CHSY1: variants seen among roughly 807,000 people sequenced by gnomAD.
The protein encoded by CHSY1 is N-acetylgalactosaminyl-proteoglycan 3-beta-glucuronosyltransferase 1.
A neutral mutation model predicts 59.8 loss-of-function variants in CHSY1; 13 were observed. That is an observed-to-expected ratio of 0.22 (90% CI 0.14 to 0.35). The LOEUF is 0.35. CHSY1 is among the 10% of genes least tolerant of loss of function. The pLI is 1.00. For synonymous variants in CHSY1, 459 were observed against 401.2 expected, an observed-to-expected ratio of 1.14 and a Z score of -1.72; for missense variants, 947 against 1,030.6, an observed-to-expected ratio of 0.92 and a Z score of 1.11.
At chr15:101,203,261 C>A (rs1426535563) in intron 2 of CHSY1, among the ~76,000 whole-genome samples, 1 of 152,200 alleles carries the variant, frequency 6.6e-6, no homozygotes, top group African/African-American at 2.4e-5. Flanking sequence ...TCCTGACAGG[C>A]ATGGACCTTC....
In CHSY1 at chr15:101,251,148, C is replaced by A; in HGVS notation, c.309G>T (p.Val103=). Residue 103 remains valine (V), a synonymous_variant, in exon 1 of 3, where the codon GTG becomes GTT. Coordinates refer to ENST00000254190, the MANE Select transcript of CHSY1 (RefSeq NM_014918.5). Reference sequence around the variant, plus strand: ...GAGCAGGGGCTCACCTGTAGGCGGCCACGGCCCGAGTCTGCAGGTATTTCT... The same window carrying A: ...GAGCAGGGGCTCACCTGTAGGCGGCAACGGCCCGAGTCTGCAGGTATTTCT... The part of the protein sequence containing the change: ...TAQKYLQTRA[V]AAYRTWSKTI... 6.3e-7 allele frequency: 1 copy of A among 1,589,552 alleles called. No individual in the cohort carries two copies. Among genetic ancestry groups the A allele is most frequent in the East Asian group, 2.3e-5 (1 of 44,144 alleles).
chr15:101,233,787 A>G (rs1317562689), intron 2 of CHSY1, among the ~76,000 whole-genome samples: 2 of 152,206 alleles, frequency 1.3e-5, no homozygotes. Flanking sequence ...CTAAAGTTCA[A>G]ACAACAAAAA....
chr15:101,249,701 G>C (rs1487284984), intron 1 of CHSY1, among the ~76,000 whole-genome samples: 1 of 151,990 alleles, frequency 6.6e-6, no homozygotes, highest in East Asian at 1.9e-4. Context: ...CTTGAGTAGA[G>C]ACGGGGTTTC....
rs550541331 is a variant in CHSY1 at position 101,195,717 on chromosome 15, C to G, written c.817-16737G>C. 1.2e-4 allele frequency among the ~76,000 whole-genome samples: 18 copies of G among 150,674 alleles called. No individual in the cohort carries two copies. In the South Asian group the frequency reaches 3.6e-3, roughly 30 times the overall value. On this transcript the variant is annotated intron_variant, in intron 2 of 2. Transcript: ENST00000254190. ...GCGGGTGCCTGTAGTCCTAGCTACT[C>G]AGGAGGCTGAGGCGAGAGAATGGTG...
intron 1 of CHSY1, 116 bp downstream of exon 1, chr15:101,251,021 C>CGGAAGCCCAAGAAGGGCCTA: frequency 9.9e-7 from 1 of 1,009,278 alleles, no homozygotes; most frequent in Non-Finnish European, 1.5e-6. Context: ...CCGATCCCGC[C>CGGAAGCCCAAGAAGGGCCTA]GGAAGCCCAA....
chr15:101,212,258 G>A (rs1486176885), intron 2 of CHSY1, among the ~76,000 whole-genome samples: 1 of 152,168 alleles, frequency 6.6e-6, no homozygotes, highest in East Asian at 1.9e-4. Context: ...ACACATGGCA[G>A]TTTCTTATGA....
Position 101,178,617 on chromosome 15 carries a change from G to A in CHSY1, c.1180C>T (p.Arg394Ter). 1.2e-6 allele frequency: 2 copies of A among 1,614,208 alleles called. No homozygotes were observed. The highest frequency in any genetic ancestry group is 1.7e-6 in the Non-Finnish European group (2 of 1,180,034). The change falls in exon 3 of 3, where the codon CGA becomes TGA. Residue 394 changes from arginine (R) to a stop codon, truncating the protein, a stop_gained. Transcript: ENST00000254190. LOFTEE classifies it high-confidence loss of function. ...LYSAVDGQPP[R>*]RGMDSAQREA... The stretch of plus-strand genomic sequence containing the variant: ...CTCTGGGCGGAGTCCATTCCTCTTC[G>A]AGGGGGCTGGCCGTCAACTGCCGAA...
intron 1 of CHSY1, among the ~76,000 whole-genome samples, chr15:101,243,029 C>G (rs12324313): frequency 0.31 from 47,728 of 152,066 alleles, 10,354 homozygotes; most frequent in African/African-American, 0.62. Context: ...GAGGGGAAAG[C>G]AAGCAGTAAA....
chr15:101,183,869 G>A (rs2038315031), intron 2 of CHSY1, among the ~76,000 whole-genome samples: 1 of 152,330 alleles, frequency 6.6e-6, no homozygotes, highest in South Asian at 2.1e-4. Flanking sequence ...AGCTGATGAT[G>A]ACAGACACGA....
intron 2 of CHSY1, among the ~76,000 whole-genome samples, chr15:101,212,031 C>A (rs2038687520): frequency 6.6e-6 from 1 of 151,906 alleles, no homozygotes; most frequent in Non-Finnish European, 1.5e-5. Flanking sequence ...AAAAGACAGG[C>A]ACATGATCAA....
At chr15:101,188,082 T>C in intron 2 of CHSY1, 1 of 985,474 alleles carries the variant, frequency 1.0e-6, no homozygotes, top group Non-Finnish European at 1.2e-6. Context: ...CTGTTAACTG[T>C]TTACATGACT....
chr15:101,188,002 T>C, intron 2 of CHSY1: 1 of 984,538 alleles, frequency 1.0e-6, no homozygotes, highest in Non-Finnish European at 1.2e-6. Flanking sequence ...CCTTCCACAG[T>C]CTTCATTAGC....
At chr15:101,231,482 T>G (rs1033819048) in intron 2 of CHSY1, among the ~76,000 whole-genome samples, 1 of 152,246 alleles carries the variant, frequency 6.6e-6, no homozygotes, top group African/African-American at 2.4e-5. Flanking sequence ...TTTGCACTTC[T>G]GAATTTTGAG....
At chr15:101,179,147 A>G (rs957723060) in intron 2 of CHSY1, among the ~76,000 whole-genome samples, 167 bp from the exon 3 acceptor site, 11 of 152,244 alleles carry the variant, frequency 7.2e-5, no homozygotes, top group Non-Finnish European at 1.6e-4. Context: ...AGAAGAATTC[A>G]CAGATAGAAA....
chr15:101,203,674 C>T (rs953822829), intron 2 of CHSY1, among the ~76,000 whole-genome samples: 1 of 152,158 alleles, frequency 6.6e-6, no homozygotes, highest in South Asian at 2.1e-4. Context: ...TCAAAGTTAA[C>T]ACTGCCTGTA....
intron 2 of CHSY1, among the ~76,000 whole-genome samples, chr15:101,190,453 C>G (rs1409903286): frequency 6.6e-6 from 1 of 152,212 alleles, no homozygotes; most frequent in Non-Finnish European, 1.5e-5. Context: ...AAACGAGACA[C>G]AGACCTTACC....
In CHSY1 at chr15:101,235,198, T is replaced by G. The variant is rs957978709; in HGVS notation, c.700A>C (p.Arg234=). 2 of 1,613,738 alleles carry G rather than the reference T, an allele frequency of 1.2e-6. No individual in the cohort carries two copies. The highest frequency in any genetic ancestry group is 1.7e-6 in the Non-Finnish European group (2 of 1,179,860). The stretch of plus-strand genomic sequence containing the variant: ...CACTTGCCAATGTGCGGCACCATTC[T>G]CCGAAGCACCTCCCGGCTCATGATC... ...GVIMSREVLR[R]MVPHIGKCLR... The change falls in exon 2 of 3, where the codon AGA becomes CGA. Residue 234 remains arginine (R), a synonymous_variant. Transcript: ENST00000254190.
intron 2 of CHSY1, among the ~76,000 whole-genome samples, chr15:101,196,761 T>C (rs1426935327): frequency 6.6e-6 from 1 of 152,240 alleles, no homozygotes; most frequent in Non-Finnish European, 1.5e-5. Context: ...TGGTGGCTCA[T>C]GCCTATAATC....
chr15:101,237,027 G>A (rs1464594080), intron 1 of CHSY1, among the ~76,000 whole-genome samples: 1 of 149,752 alleles, frequency 6.7e-6, no homozygotes, highest in Admixed American at 6.6e-5. Context: ...AGACCAGCCT[G>A]GCCAACATGG....
Sources: gnomAD v4.1 joint callset for allele counts (sites outside exome capture counted in the v4.1 genomes callset) on GRCh38, gnomAD v4.1.1 for gene constraint, MANE v1.5 for transcripts, NCBI Gene and HGNC (gene_info 2026-07-23, HGNC 2026-07-21) for gene names.